Variants in DPYD observed in about 807,000 individuals in gnomAD.
The protein encoded by DPYD is dihydropyrimidine dehydrogenase, also known as dihydropyrimidine dehydrogenase [NADP(+)].
In DPYD, 109 loss-of-function variants were observed where a neutral mutation model predicts 116.2. The observed-to-expected ratio is 0.94, with a 90% CI of 0.80 to 1.10. The LOEUF (loss-of-function observed/expected upper bound fraction) is 1.10, where lower values mean the gene tolerates loss of function less well. DPYD is among the 50% of genes least tolerant of loss of function. The pLI is 0.00. For missense variants in DPYD, 1,302 were observed against 1,254.5 expected (o/e 1.04, Z -0.57); for synonymous variants, 440 against 432.0 (o/e 1.02, Z -0.23).
At chr1:97,435,258 T>C (rs950579798) in intron 14 of DPYD, among the ~76,000 whole-genome samples, 1 of 151,932 alleles carries the variant, frequency 6.6e-6, no homozygotes, top group Non-Finnish European at 1.5e-5. Flanking sequence ...GACTGATTCT[T>C]CCCTGCCTCC....
chr1:97,779,934 T>C (rs761761424), intron 3 of DPYD, among the ~76,000 whole-genome samples: 1 of 152,146 alleles, frequency 6.6e-6, no homozygotes. Context: ...TCATAAGTTG[T>C]GACAAAAAAT....
At chr1:97,611,891 G>A (rs565415531) in intron 8 of DPYD, among the ~76,000 whole-genome samples, 511 of 152,106 alleles carry the variant, frequency 3.4e-3, no homozygotes, top group Middle Eastern at 0.01. Context: ...GTAGTAAAAC[G>A]TATTCTGATT....
chr1:97,088,494 A>G (rs942178314), intron 21 of DPYD, among the ~76,000 whole-genome samples: 1 of 152,130 alleles, frequency 6.6e-6, no homozygotes, highest in Non-Finnish European at 1.5e-5. Flanking sequence ...TTTCCATCTG[A>G]AGTTTGCAAA....
At chr1:97,578,921 A>G (rs1653453667) in intron 10 of DPYD, among the ~76,000 whole-genome samples, 1 of 152,238 alleles carries the variant, frequency 6.6e-6, no homozygotes, top group Non-Finnish European at 1.5e-5. Flanking sequence ...ACTACTTCAC[A>G]AAGTGGATAT....
chr1:97,316,972 C>T (rs1667892218), intron 16 of DPYD, among the ~76,000 whole-genome samples: 1 of 151,706 alleles, frequency 6.6e-6, no homozygotes, highest in Non-Finnish European at 1.5e-5. Context: ...GACACAGGTT[C>T]CATAGGCCTA....
intron 19 of DPYD, among the ~76,000 whole-genome samples, chr1:97,222,947 T>C (rs758630556): frequency 1.3e-4 from 20 of 152,094 alleles, no homozygotes; most frequent in Non-Finnish European, 2.4e-4. Flanking sequence ...TTAGAAGTTA[T>C]TGAATAAATA....
intron 18 of DPYD, among the ~76,000 whole-genome samples, chr1:97,241,247 A>AC (rs1228797439): frequency 6.6e-6 from 1 of 151,968 alleles, no homozygotes; most frequent in Non-Finnish European, 1.5e-5. Flanking sequence ...AATAACATTC[A>AC]CCAAAGAGGG....
At chr1:97,854,341 A>C (rs1389909160) in intron 2 of DPYD, among the ~76,000 whole-genome samples, 1 of 152,194 alleles carries the variant, frequency 6.6e-6, no homozygotes, top group Non-Finnish European at 1.5e-5. Flanking sequence ...AATTTCCAAA[A>C]GTTTATTTAG....
In DPYD at chr1:97,725,109, A is replaced by G. The variant is rs144186147; in HGVS notation, c.322-3438T>C. ...AGTAATAAAAGTACAGCAAACTTACAGGATACAAGATTAAAATGCAAATTA... is the reference window on the plus strand; with the variant it reads ...AGTAATAAAAGTACAGCAAACTTACGGGATACAAGATTAAAATGCAAATTA... On this transcript the variant is annotated intron_variant, in intron 4 of 22. Transcript: ENST00000370192. 2.8e-4 allele frequency among the ~76,000 whole-genome samples: 43 copies of G among 151,932 alleles called. 1 individual carries two copies. In the East Asian group the frequency reaches 7.9e-3, roughly 28 times the overall value.
At chr1:97,893,352 T>C (rs1387212076) in intron 1 of DPYD, among the ~76,000 whole-genome samples, 2 of 148,408 alleles carry the variant, frequency 1.3e-5, no homozygotes, top group Non-Finnish European at 3.0e-5. Flanking sequence ...TGCCTGAAAA[T>C]ACAATATGCT....
At position 97,529,717 on chromosome 1, in the gene DPYD, TTTC is replaced by T. The variant is rs562423431; in HGVS notation, c.1525-13779_1525-13777del. Among the ~76,000 whole-genome samples, 1,054 of 151,490 alleles carry T rather than the reference TTTC, an allele frequency of 7.0e-3. 7 individuals carry two copies. The highest frequency in any genetic ancestry group is 0.012 in the Non-Finnish European group (814 of 67,804). Reference sequence around the variant, plus strand: ...CTTTCCTTTCTTTTTTCTTTCTTCCTTTCTTTTCTTTCCTTTCTTTCCTTCTTT... The same window carrying T: ...CTTTCCTTTCTTTTTTCTTTCTTCCTTTTTCTTTCCTTTCTTTCCTTCTTT... On this transcript the variant is annotated intron_variant, in intron 12 of 22. Coordinates refer to ENST00000370192, the MANE Select transcript of DPYD (RefSeq NM_000110.4).
chr1:97,374,468 C>G (rs1183769538), intron 15 of DPYD, among the ~76,000 whole-genome samples: 1 of 151,942 alleles, frequency 6.6e-6, no homozygotes, highest in Non-Finnish European at 1.5e-5. Context: ...CGCCTGTAAT[C>G]CCAGCACTTT....
chr1:97,616,940 C>T (rs1299556959), intron 8 of DPYD, among the ~76,000 whole-genome samples: 1 of 151,904 alleles, frequency 6.6e-6, no homozygotes, highest in African/African-American at 2.4e-5. Context: ...GGCTGGAGTG[C>T]AGTGGTGGGA....
chr1:97,129,613 T>C (rs988491299), intron 20 of DPYD, among the ~76,000 whole-genome samples: 5 of 152,112 alleles, frequency 3.3e-5, no homozygotes, highest in African/African-American at 4.8e-5. Flanking sequence ...CTTCCGCAGG[T>C]TTCAGGCCCT....
intron 2 of DPYD, among the ~76,000 whole-genome samples, chr1:97,861,114 C>CATA (rs1671091251): frequency 6.6e-6 from 1 of 151,894 alleles, no homozygotes; most frequent in Admixed American, 6.6e-5. Flanking sequence ...GAGATCATTT[C>CATA]TCAAAATACA....
chr1:97,312,844 T>C (rs912966594), intron 16 of DPYD, among the ~76,000 whole-genome samples: 1 of 151,896 alleles, frequency 6.6e-6, no homozygotes, highest in Non-Finnish European at 1.5e-5. Context: ...CTTAAGTGTG[T>C]TCATGCTAAT....
intron 1 of DPYD, among the ~76,000 whole-genome samples, chr1:97,908,825 C>G (rs911190667): frequency 2.6e-5 from 4 of 152,070 alleles, no homozygotes; most frequent in African/African-American, 9.7e-5. Flanking sequence ...ATGCTGACGT[C>G]CCTCAGATCA....
chr1:97,098,618 A>C lies in DPYD; in HGVS notation c.2637T>G (p.Phe879Leu). 3.1e-6 allele frequency: 5 copies of C among 1,612,956 alleles called. No homozygotes were observed. The highest frequency in any genetic ancestry group is 4.2e-6 in the Non-Finnish European group (5 of 1,179,374). Residue 879 changes from phenylalanine (F) to leucine (L), a missense_variant, in exon 21 of 23, where the codon TTT becomes TTG. Physicochemically the swap from Phe to Leu is conservative, Grantham distance 22 (BLOSUM62 0). Coordinates refer to ENST00000370192, the MANE Select transcript of DPYD (RefSeq NM_000110.4). ...AELMDKKLPS[F>L]GPYLEQRKKI... ...TCTTGCGCTGTTCCAGATAAGGTCC[A>C]AAACTTGGCAGTTTCTAAAAGGAAA...
chr1:97,692,213 T>C (rs1661045937), intron 6 of DPYD, among the ~76,000 whole-genome samples: 1 of 152,074 alleles, frequency 6.6e-6, no homozygotes, highest in South Asian at 2.1e-4. Context: ...CATATATATA[T>C]ACACTAACAT....
Sources: gnomAD v4.1 joint callset for allele counts (sites outside exome capture counted in the v4.1 genomes callset) on GRCh38, gnomAD v4.1.1 for gene constraint, MANE v1.5 for transcripts, NCBI Gene and HGNC (gene_info 2026-07-23, HGNC 2026-07-21) for gene names.